The following ADGRF3 variants were observed in gnomAD, a reference collection of about 807,000 sequenced individuals.
The protein encoded by ADGRF3 is adhesion G protein-coupled receptor F3.
In ADGRF3, 85 loss-of-function variants were observed where a neutral mutation model predicts 93.2. The ratio of observed to expected loss-of-function variants is 0.91; its 90% CI spans 0.77 to 1.09. The LOEUF (loss-of-function observed/expected upper bound fraction) is 1.09, where lower values mean the gene tolerates loss of function less well. Ranked by LOEUF, ADGRF3 falls within the 50% of genes least tolerant of loss-of-function variation. ADGRF3 has a pLI of 0.00. For synonymous variants in ADGRF3, 534 were observed against 532.5 expected (o/e 1.00, Z -0.04); for missense variants, 1,125 against 1,246.2 (o/e 0.90, Z 1.46).
In ADGRF3 at chr2:26,313,876, T is replaced by C; in HGVS notation, c.956A>G (p.Gln319Arg). The change falls in exon 7 of 14, where the codon CAG (glutamine) becomes CGG (arginine). Residue 319 changes from glutamine to arginine, a missense_variant. Coordinates refer to ENST00000651242, the MANE Select transcript of ADGRF3 (RefSeq NM_001321971.2). ...GCGCTGAACAGCCAGCACAAAGCAC[T>C]GAGAGCCTGACTCGTTGAAGGAGGA... ...KASSFNESGS[Q>R]CFVLAVQRCP... The C allele has an allele frequency of 6.2e-7, 1 of 1,613,992 alleles. No individual in the cohort carries two copies. Among genetic ancestry groups the C allele is most frequent in the Non-Finnish European group, 8.5e-7 (1 of 1,179,890 alleles).
chr2:26,311,325 C>T lies in ADGRF3; in HGVS notation c.2199G>A (p.Arg733=), dbSNP rs2147864383. ...VYWLVWRVVV[R]NKISYFRHAA... ...CGTGGCGGAAATAGGAGATCTTGTT[C>T]CGCACCACGACTCTCCACACCAGCC... is the stretch of plus-strand genomic sequence containing the variant. The change falls in exon 10 of 14, where the codon CGG becomes CGA. Residue 733 remains arginine, a synonymous_variant. Transcript: ENST00000651242. The T allele has an allele frequency of 1.2e-6, 2 of 1,613,936 alleles. No homozygotes were observed. Among genetic ancestry groups the T allele is most frequent in the East Asian group, 4.5e-5 (2 of 44,874 alleles).
rs1574735334 is a variant in ADGRF3 at position 26,339,537 on chromosome 2, C to A, written c.114+6584G>T. Among the ~76,000 whole-genome samples, 8 of 152,180 alleles carry A rather than the reference C, an allele frequency of 5.3e-5. No individual in the cohort carries two copies. The South Asian group carries it at 1.7e-3, about 32-fold the overall frequency. On this transcript the variant is annotated intron_variant, in intron 1 of 13. Transcript: ENST00000651242. ...AAAACAAAACAAAACAACACACCCC[C>A]AAAACTGCATTTTAATGTATATTTT...
Position 26,315,566 on chromosome 2 carries a change from C to T in ADGRF3, c.674G>A (p.Gly225Asp), listed in dbSNP as rs1674575231. The T allele has an allele frequency of 9.7e-6, 15 of 1,551,386 alleles. No individual in the cohort carries two copies. The highest frequency in any genetic ancestry group is 1.4e-5 in the African/African-American group (1 of 73,030). Residue 225 changes from glycine (G) to aspartate (D), a missense_variant, in exon 5 of 14, where the codon GGC becomes GAC. Gly to Asp is a moderately conservative substitution (Grantham distance 94). Transcript: ENST00000651242. The part of the protein sequence containing the change: ...GTQVSVTSSH[G>D]QAALSVSNMS... ...GTTGGAGACGCTGAGGGCAGCCTGG[C>T]CGTGGCTGGAAGTCACAGACACCTG...
chr2:26,313,809 G>T lies in ADGRF3; in HGVS notation c.1023C>A (p.Ser341Arg). Reference sequence around the variant, plus strand: ...GGACCCTGAGTGGAGCCAGGCCCAGGCTCTGCAGGTCACAAGCGTACGTGG... The same window carrying T: ...GGACCCTGAGTGGAGCCAGGCCCAGTCTCTGCAGGTCACAAGCGTACGTGG... ...ADTTYACDLQ[S>R]LGLAPLRVPI... Residue 341 changes from serine to arginine, a missense_variant, in exon 7 of 14, where the codon AGC becomes AGA. Physicochemically the swap from Ser to Arg is moderately radical, Grantham distance 110. Transcript: ENST00000651242. 6.2e-7 allele frequency: 1 copy of T among 1,614,014 alleles called. No individual in the cohort carries two copies. Among genetic ancestry groups the T allele is most frequent in the Non-Finnish European group, 8.5e-7 (1 of 1,179,894 alleles).
At chr2:26,336,288 A>G (rs1676028310) in intron 1 of ADGRF3, among the ~76,000 whole-genome samples, 1 of 143,930 alleles carries the variant, frequency 6.9e-6, no homozygotes, top group African/African-American at 2.6e-5. Flanking sequence ...CGATTTATGA[A>G]TAATCCTGCA....
In ADGRF3 at chr2:26,313,651, C is replaced by A. The variant is rs558397262; in HGVS notation, c.1073-78G>T. 21 of 1,559,734 alleles carry A rather than the reference C, an allele frequency of 1.3e-5. No individual in the cohort carries two copies. In the African/African-American group the frequency reaches 2.6e-4, roughly 19 times the overall value. On this transcript the variant is annotated intron_variant, in intron 7 of 13. Transcript: ENST00000651242. ...CTCCTTGGGCAGAACCCTATGCGGG[C>A]CCCGAAGCCTGGTCCTGTTGCCCAG...
chr2:26,346,139 C>G lies in ADGRF3; in HGVS notation c.96G>C (p.Lys32Asn), dbSNP rs1225111207. ...KHHTGWARMA[K>N]TGLPEKGQSQ... ...CTCCTACCTTCTCGGGCAGCCCAGT[C>G]TTTGCCATCCTTGCCCAGCCGGTGT... Residue 32 changes from lysine (K) to asparagine (N), a missense_variant, in exon 1 of 14, where the codon AAG (lysine) becomes AAC (asparagine). Transcript: ENST00000651242. The G allele has an allele frequency of 2.5e-6, 4 of 1,600,812 alleles. No homozygotes were observed. Among genetic ancestry groups the G allele is most frequent in the African/African-American group, 2.7e-5 (2 of 74,594 alleles).
In ADGRF3 at chr2:26,317,048, C is replaced by G; in HGVS notation, c.189G>C (p.Ala63=). 1 of 1,610,266 alleles carries G rather than the reference C, an allele frequency of 6.2e-7. No homozygotes were observed. Among genetic ancestry groups the G allele is most frequent in the Non-Finnish European group, 8.5e-7 (1 of 1,178,520 alleles). Residue 63 remains alanine (A), a synonymous_variant, in exon 3 of 14, where the codon GCG becomes GCC. Transcript: ENST00000651242. Reference sequence around the variant, plus strand: ...CCAGATGTACATAGACGGAGACCAGCGCTGATTCTACAGGAGCAGAGGGGA... The same window carrying G: ...CCAGATGTACATAGACGGAGACCAGGGCTGATTCTACAGGAGCAGAGGGGA... ...LDQENGAGES[A]LVSVYVHLDF...
intron 1 of ADGRF3, among the ~76,000 whole-genome samples, chr2:26,344,213 C>T (rs1402136525): frequency 6.6e-6 from 1 of 152,148 alleles, no homozygotes; most frequent in African/African-American, 2.4e-5. Context: ...GACACAATCT[C>T]GGTTCACCGT....
At chr2:26,310,293 C>A in intron 10 of ADGRF3, 56 bp from the exon 11 acceptor site, 2 of 1,576,504 alleles carry the variant, frequency 1.3e-6, no homozygotes, top group South Asian at 2.2e-5. Context: ...CCACCCGAAT[C>A]AACATGCTCC....
chr2:26,315,176 G>A (rs1674542357), intron 5 of ADGRF3, among the ~76,000 whole-genome samples: 1 of 152,192 alleles, frequency 6.6e-6, no homozygotes, highest in Admixed American at 6.5e-5. Context: ...ACCTGAGGGA[G>A]TGGGAGTGAA....
At chr2:26,313,641 C>A (rs964094874) in intron 7 of ADGRF3, 68 bp from the exon 8 acceptor site, 73 of 1,560,650 alleles carry the variant, frequency 4.7e-5, no homozygotes, top group Non-Finnish European at 5.9e-5. Flanking sequence ...TGGGCAGAAC[C>A]CTATGCGGGC....
chr2:26,314,894 C>A, intron 5 of ADGRF3: 1 of 446,490 alleles, frequency 2.2e-6, no homozygotes, highest in Admixed American at 3.9e-5. Context: ...CTGCACCACC[C>A]CTGCCATTTT....
chr2:26,315,462 C>A (rs752095363), intron 5 of ADGRF3, 60 bp downstream of exon 5: 1 of 1,502,508 alleles, frequency 6.7e-7, no homozygotes, highest in Non-Finnish European at 9.0e-7. Context: ...AGAAGGAAGA[C>A]GAGGATGAAG....
chr2:26,318,852 C>G, intron 1 of ADGRF3: 1 of 1,516,252 alleles, frequency 6.6e-7, no homozygotes, highest in Non-Finnish European at 9.0e-7. Flanking sequence ...TTCCTCTCCC[C>G]TCAGCCCTTT....
At chr2:26,318,545 A>G (rs1347450334) in intron 1 of ADGRF3, among the ~76,000 whole-genome samples, 1 of 152,230 alleles carries the variant, frequency 6.6e-6, no homozygotes, top group African/African-American at 2.4e-5. Flanking sequence ...AGACATAGCC[A>G]TAGATATAGC....
chr2:26,309,100 C>G lies in ADGRF3; in HGVS notation c.3001G>C (p.Asp1001His), dbSNP rs1483142262. The change falls in exon 14 of 14, where the codon GAT (aspartate) becomes CAT (histidine). Residue 1001 changes from aspartate to histidine, a missense_variant. Transcript: ENST00000651242. ...KGGSDTARKT[D>H]ASE ...CCGTGTGTGGTTCACTCTGAAGCATCTGTCTTCCTGTGAAAGAGCTTGCGG... is the reference window on the plus strand; with the variant it reads ...CCGTGTGTGGTTCACTCTGAAGCATGTGTCTTCCTGTGAAAGAGCTTGCGG... The G allele has an allele frequency of 6.2e-7, 1 of 1,614,078 alleles. No individual in the cohort carries two copies. Among genetic ancestry groups the G allele is most frequent in the East Asian group, 2.2e-5 (1 of 44,892 alleles).
Position 26,310,573 on chromosome 2 carries a change from T to C in ADGRF3, c.2832+119A>G, listed in dbSNP as rs543834012. The C allele has an allele frequency of 6.0e-4, 668 of 1,107,036 alleles. 16 individuals are homozygous for C. The South Asian group carries it at 0.01, about 17-fold the overall frequency. The allele number at this position is 1,107,036 out of a possible 1,614,324, so 68.6% of individuals were successfully genotyped here. ...GGAACTGGGATCCACACCTAAGCCTTCCAAAATTCCTGAACCTATGTTTCT... is the reference window on the plus strand; with the variant it reads ...GGAACTGGGATCCACACCTAAGCCTCCCAAAATTCCTGAACCTATGTTTCT... On this transcript the variant is annotated intron_variant, in intron 10 of 13. Transcript: ENST00000651242.
At position 26,310,125 on chromosome 2, in the gene ADGRF3, T is replaced by C. The variant is rs1673929623; in HGVS notation, c.2875-20A>G. The C allele has an allele frequency of 6.2e-7, 1 of 1,614,012 alleles. No individual in the cohort carries two copies. The highest frequency in any genetic ancestry group is 8.5e-7 in the Non-Finnish European group (1 of 1,179,886). On this transcript the variant is annotated intron_variant, in intron 11 of 13. Coordinates refer to ENST00000651242, the MANE Select transcript of ADGRF3 (RefSeq NM_001321971.2). ...TTGTATCTGCGGGAGAGGTAAATGC[T>C]CTGCTTATGCCAGCCACGGCCCCGG...
Sources: gnomAD v4.1 joint callset for allele counts (sites outside exome capture counted in the v4.1 genomes callset) on GRCh38, gnomAD v4.1.1 for gene constraint, MANE v1.5 for transcripts, NCBI Gene and HGNC (gene_info 2026-07-23, HGNC 2026-07-21) for gene names.